Variants in POLDIP3 observed in about 807,000 individuals in gnomAD.
POLDIP3 encodes polymerase delta-interacting protein 3.
A neutral mutation model predicts 45.1 loss-of-function variants in POLDIP3; 14 were observed. The ratio of observed to expected loss-of-function variants is 0.31; its 90% CI spans 0.20 to 0.49. POLDIP3 has a LOEUF of 0.49. POLDIP3 is among the 20% of genes least tolerant of loss of function. POLDIP3 has a pLI of 0.99. For missense variants in POLDIP3, 511 were observed against 538.8 expected (o/e 0.95, Z 0.51); for synonymous variants, 223 against 205.2 (o/e 1.09, Z -0.74).
chr22:42,593,587 G>A (rs954268458), intron 6 of POLDIP3, among the ~76,000 whole-genome samples: 2 of 152,114 alleles, frequency 1.3e-5, no homozygotes, highest in African/African-American at 2.4e-5. Context: ...GCGTGACCTC[G>A]GCTCACTGCA....
chr22:42,596,621 G>A (rs1010538702), intron 4 of POLDIP3, among the ~76,000 whole-genome samples: 11 of 152,188 alleles, frequency 7.2e-5, no homozygotes, highest in Non-Finnish European at 1.6e-4. Flanking sequence ...GCTCTTGGCA[G>A]GAAGCTTCCA....
chr22:42,593,951 C>T (rs1023703265), intron 6 of POLDIP3, among the ~76,000 whole-genome samples: 15 of 152,134 alleles, frequency 9.9e-5, no homozygotes, highest in Admixed American at 8.5e-4. Context: ...TCACGGCATG[C>T]GTGTGTTTCA....
intron 1 of POLDIP3, among the ~76,000 whole-genome samples, chr22:42,610,938 C>T (rs925164412): frequency 3.3e-5 from 5 of 152,106 alleles, no homozygotes; most frequent in Admixed American, 2.6e-4. Flanking sequence ...ACATGAGGGG[C>T]AGGCCAGCAC....
rs961793886 is a variant in POLDIP3 at position 42,594,382 on chromosome 22, G to A, written c.891+1155C>T. ...AAAAATTAGCCAGGCGTAGTGGCAG[G>A]CGCCTCTAATCCCAGCTACTCGGGA... On this transcript the variant is annotated intron_variant, in intron 6 of 8. Coordinates refer to ENST00000252115, the MANE Select transcript of POLDIP3 (RefSeq NM_032311.5). Among the ~76,000 whole-genome samples the A allele has an allele frequency of 4.0e-5, 6 of 151,866 alleles. No individual in the cohort carries two copies. The East Asian group carries it at 9.7e-4, about 25-fold the overall frequency.
chr22:42,597,807 G>C (rs1350001979), intron 4 of POLDIP3: 2 of 452,160 alleles, frequency 4.4e-6, no homozygotes, highest in Non-Finnish European at 9.0e-6. Flanking sequence ...TTGAGACGGA[G>C]TCTCGCCCTG....
At chr22:42,608,176 G>A (rs1382629928) in intron 1 of POLDIP3, among the ~76,000 whole-genome samples, 8 of 152,130 alleles carry the variant, frequency 5.3e-5, no homozygotes, top group Non-Finnish European at 8.8e-5. Context: ...GTAGAAAGAA[G>A]TAGACGTGGG....
chr22:42,602,128 A>C (rs773096509), intron 2 of POLDIP3, 72 bp from the exon 3 acceptor site: 1 of 1,606,164 alleles, frequency 6.2e-7, no homozygotes, highest in Non-Finnish European at 8.5e-7. Context: ...GGGGTTACTG[A>C]ACTTGATACA....
intron 1 of POLDIP3, among the ~76,000 whole-genome samples, chr22:42,609,753 G>A (rs191978298): frequency 2.6e-5 from 4 of 151,950 alleles, no homozygotes; most frequent in African/African-American, 7.3e-5. Context: ...TCTGGGTTAG[G>A]GGGTGTTCGT....
chr22:42,595,443 T>A, intron 6 of POLDIP3, 94 bp downstream of exon 6: 1 of 1,091,532 alleles, frequency 9.2e-7, no homozygotes. Flanking sequence ...GTCTGGTGAG[T>A]CCTAGCAGTC....
At chr22:42,600,873 G>A (rs774757576) in intron 3 of POLDIP3, among the ~76,000 whole-genome samples, 15 of 152,112 alleles carry the variant, frequency 9.9e-5, no homozygotes, top group Non-Finnish European at 1.8e-4. Context: ...GGAGGCAGAG[G>A]CAGGAGGATC....
At chr22:42,599,661 T>A in intron 4 of POLDIP3, 37 bp downstream of exon 4, 1 of 1,448,094 alleles carries the variant, frequency 6.9e-7, no homozygotes, top group Non-Finnish European at 9.7e-7. Context: ...ACCTGCCTGA[T>A]CAGACACGCA....
chr22:42,604,156 G>A (rs924578260), intron 1 of POLDIP3, among the ~76,000 whole-genome samples: 4 of 152,144 alleles, frequency 2.6e-5, no homozygotes, highest in Admixed American at 6.5e-5. Flanking sequence ...TGCGGCAGAC[G>A]CTCTGCCTGC....
rs199521565 is a variant in POLDIP3, at chr22:42,614,864, C to T, written c.-7G>A. 9 of 1,613,632 alleles carry T rather than the reference C, an allele frequency of 5.6e-6. No individual in the cohort carries two copies. Among genetic ancestry groups the T allele is most frequent in the East Asian group, 2.2e-5 (1 of 44,886 alleles). On this transcript the variant is annotated 5_prime_UTR_variant, in exon 1 of 9. Coordinates refer to ENST00000252115, the MANE Select transcript of POLDIP3 (RefSeq NM_032311.5). ...CCAGGGAGATGTCCGCCATCTTGCT[C>T]CGCCGAGCAAGCCGAAAGCAGTCGA...
intron 8 of POLDIP3, among the ~76,000 whole-genome samples, chr22:42,586,560 C>T (rs1235777437): frequency 2.6e-5 from 4 of 152,184 alleles, no homozygotes; most frequent in South Asian, 2.1e-4. Context: ...TAGCATATTA[C>T]ACAATCTGAG....
At position 42,584,107 on chromosome 22, in the gene POLDIP3, C is replaced by G. The variant is rs1350261194; in HGVS notation, c.*1684G>C. 1 of 152,664 alleles carries G rather than the reference C, an allele frequency of 6.6e-6. No homozygotes were observed. Among genetic ancestry groups the G allele is most frequent in the Non-Finnish European group, 1.5e-5 (1 of 68,102 alleles). 9.5% of individuals were successfully genotyped at this position (152,664 alleles called of 1,614,324 possible). A position where few individuals can be genotyped will look rare whatever the true frequency, so the allele number is the denominator to read the frequency against. On this transcript the variant is annotated 3_prime_UTR_variant, in exon 9 of 9. Transcript: ENST00000252115. ...CCCTAAGCACAGTGCAAGCAGTGAG[C>G]CCCCGGCTCCCAGTACCTGAAAAAC...
At chr22:42,594,986 C>G (rs1220988090) in intron 6 of POLDIP3, among the ~76,000 whole-genome samples, 3 of 152,184 alleles carry the variant, frequency 2.0e-5, no homozygotes, top group African/African-American at 7.2e-5. Flanking sequence ...AGAAGCTGTG[C>G]AGAAGAGTGA....
intron 3 of POLDIP3, among the ~76,000 whole-genome samples, chr22:42,600,495 A>G (rs1926287490): frequency 2.0e-5 from 3 of 152,004 alleles, no homozygotes; most frequent in Non-Finnish European, 4.4e-5. Flanking sequence ...GCATGGTGGC[A>G]TGCGCCTGTA....
At chr22:42,597,886 TCTC>T in intron 4 of POLDIP3, 1 of 387,368 alleles carries the variant, frequency 2.6e-6, no homozygotes, top group South Asian at 2.0e-5. Flanking sequence ...TTCAAACAAT[TCTC>T]CTGCCTCAGC....
At chr22:42,609,790 T>C (rs1927007949) in intron 1 of POLDIP3, among the ~76,000 whole-genome samples, 1 of 152,156 alleles carries the variant, frequency 6.6e-6, no homozygotes. Context: ...GTCATTTTTA[T>C]AGAGAGAAAA....
Sources: allele counts gnomAD v4.1 joint callset (sites outside exome capture counted in the v4.1 genomes callset), GRCh38; gene constraint gnomAD v4.1.1; transcripts MANE v1.5; gene names NCBI Gene and HGNC (gene_info 2026-07-23, HGNC 2026-07-21).